The following ATP2C2 variants were observed in gnomAD, a reference collection of about 807,000 sequenced individuals.
ATP2C2 encodes ATPase secretory pathway Ca2+ transporting 2.
A neutral mutation model predicts 110.8 loss-of-function variants in ATP2C2; 171 were observed. The ratio of observed to expected loss-of-function variants is 1.54; its 90% CI spans 1.36 to 1.75. The LOEUF is 1.75. Among genes scored for constraint, ATP2C2 ranks in the 40% most tolerant of loss-of-function variants. The pLI is 0.00. For missense variants in ATP2C2, 1,963 were observed against 1,235.0 expected (o/e 1.59, Z -8.84); for synonymous variants, 804 against 508.4 (o/e 1.58, Z -7.82).
intron 7 of ATP2C2, among the ~76,000 whole-genome samples, chr16:84,420,516 T>C (rs1201277049): frequency 2.6e-5 from 4 of 151,592 alleles, no homozygotes; most frequent in Non-Finnish European, 5.9e-5. Flanking sequence ...AGAAATGTTT[T>C]AGATTTGTGG....
At position 84,451,893 on chromosome 16, in the gene ATP2C2, C is replaced by T. The variant is rs768367979; in HGVS notation, c.1661-28C>T. 15 of 1,594,426 alleles carry T rather than the reference C, an allele frequency of 9.4e-6. No individual in the cohort carries two copies. The South Asian group carries it at 1.5e-4, about 15-fold the overall frequency. ...ACGACGGCCCCTAAGCCCCCGGTGA[C>T]CCCTCCTTACTCCCCCTCTCTCCTC... is the stretch of plus-strand genomic sequence containing the variant. On this transcript the variant is annotated intron_variant, in intron 17 of 26. Coordinates refer to ENST00000262429, the MANE Select transcript of ATP2C2 (RefSeq NM_014861.4).
At chr16:84,458,414 G>A (rs868057900) in intron 21 of ATP2C2, among the ~76,000 whole-genome samples, 136 of 140,534 alleles carry the variant, frequency 9.7e-4, no homozygotes, top group African/African-American at 3.6e-3. Context: ...GTTAGTGGGT[G>A]CAGCGCACCA....
In ATP2C2 at chr16:84,454,971, T is replaced by C; in HGVS notation, c.2134T>C (p.Phe712Leu). The C allele has an allele frequency of 6.2e-7, 1 of 1,612,192 alleles. No homozygotes were observed. Among genetic ancestry groups the C allele is most frequent in the Non-Finnish European group, 8.5e-7 (1 of 1,179,120 alleles). The change falls in exon 21 of 27, where the codon TTC becomes CTC. Residue 712 changes from phenylalanine (F) to leucine (L), a missense_variant. Transcript: ENST00000262429. ...AANMILVDDD[F>L]SAIMNAVEEG... The stretch of plus-strand genomic sequence containing the variant: ...CAACATGATCCTGGTGGATGATGAC[T>C]TCTCAGCCATCATGTAAGCTGCCCT...
chr16:84,408,930 G>A (rs1007282277), intron 4 of ATP2C2, among the ~76,000 whole-genome samples: 6 of 151,896 alleles, frequency 4.0e-5, no homozygotes, highest in African/African-American at 1.2e-4. Flanking sequence ...CAGTGAAATT[G>A]AGTACATTCA....
At chr16:84,445,381 TG>T (rs1383726229) in intron 15 of ATP2C2, among the ~76,000 whole-genome samples, 1 of 152,064 alleles carries the variant, frequency 6.6e-6, no homozygotes, top group African/African-American at 2.4e-5. Flanking sequence ...GCTAACTTTT[TG>T]TATTTTTAGT....
At chr16:84,442,454 C>T in intron 14 of ATP2C2, 56 bp from the exon 15 acceptor site, 2 of 1,563,270 alleles carry the variant, frequency 1.3e-6, no homozygotes, top group Middle Eastern at 1.7e-4. Flanking sequence ...CCCACAATGT[C>T]TAACTTTTTC....
chr16:84,459,769 C>G (rs1053621079), intron 23 of ATP2C2: 2 of 584,510 alleles, frequency 3.4e-6, no homozygotes, highest in South Asian at 2.0e-5. Context: ...AAGATACACA[C>G]AGACACACTT....
chr16:84,374,055 A>T (rs1910116478), intron 1 of ATP2C2, among the ~76,000 whole-genome samples: 1 of 152,204 alleles, frequency 6.6e-6, no homozygotes, highest in African/African-American at 2.4e-5. Flanking sequence ...CTTGAAGATA[A>T]TGTTAGTGTT....
chr16:84,408,477 G>A lies in ATP2C2; in HGVS notation c.400G>A (p.Ala134Thr), dbSNP rs1296637392. 36 of 1,613,182 alleles carry A rather than the reference G, an allele frequency of 2.2e-5. No individual in the cohort carries two copies. Among genetic ancestry groups the A allele is most frequent in the East Asian group, 4.5e-5 (2 of 44,864 alleles). Reference sequence around the variant, plus strand: ...TGTCCTCACCAAGGAGTATGAGGACGCCGTCAGCATCGCCACGGTGAGTTC... The same window carrying A: ...TGTCCTCACCAAGGAGTATGAGGACACCGTCAGCATCGCCACGGTGAGTTC... ...VSVLTKEYED[A>T]VSIATAVLVV... Residue 134 changes from alanine (A) to threonine (T), a missense_variant, in exon 4 of 27, where the codon GCC (alanine) becomes ACC (threonine). Ala to Thr is a moderately conservative substitution (Grantham distance 58, BLOSUM62 0). Transcript: ENST00000262429.
intron 1 of ATP2C2, among the ~76,000 whole-genome samples, chr16:84,392,613 C>A (rs1188144683): frequency 6.6e-6 from 1 of 152,212 alleles, no homozygotes; most frequent in Non-Finnish European, 1.5e-5. Context: ...CAGGTGCCCG[C>A]CACCACGCCC....
intron 11 of ATP2C2, among the ~76,000 whole-genome samples, chr16:84,429,889 T>G (rs764086838): frequency 9.9e-5 from 15 of 152,120 alleles, no homozygotes; most frequent in Non-Finnish European, 1.8e-4. Context: ...GAGCATGCTG[T>G]TCTTGAAGAC....
intron 1 of ATP2C2, among the ~76,000 whole-genome samples, chr16:84,395,879 C>T (rs1904942933): frequency 6.6e-6 from 1 of 152,218 alleles, no homozygotes; most frequent in African/African-American, 2.4e-5. Flanking sequence ...GGGTATGGCT[C>T]TCTGGCATTA....
At chr16:84,414,497 A>C (rs74497210) in intron 6 of ATP2C2, among the ~76,000 whole-genome samples, 11,601 of 152,158 alleles carry the variant, frequency 0.076, 474 homozygotes, top group East Asian at 0.16. Flanking sequence ...CGTGTACAGT[A>C]AGGAAATCTT....
At chr16:84,400,088 G>T (rs113176151) in intron 2 of ATP2C2, among the ~76,000 whole-genome samples, 2,788 of 152,286 alleles carry the variant, frequency 0.018, 49 homozygotes, top group Non-Finnish European at 0.027. Context: ...TGTTGCAAAT[G>T]ACAGGATCTC....
In ATP2C2 at chr16:84,461,913, G is replaced by C. The variant is rs538387605; in HGVS notation, c.2581-75G>C. 90 of 1,607,084 alleles carry C rather than the reference G, an allele frequency of 5.6e-5. 1 individual carries two copies. The Admixed American group carries it at 9.2e-4, about 16-fold the overall frequency. Reference sequence around the variant, plus strand: ...GCATTGAGCGGCTCTGGCTCAGCGTGGGCAGTCAGAGCTCCCCTGCCTGTA... The same window carrying C: ...GCATTGAGCGGCTCTGGCTCAGCGTCGGCAGTCAGAGCTCCCCTGCCTGTA... On this transcript the variant is annotated intron_variant, in intron 25 of 26. Coordinates refer to ENST00000262429, the MANE Select transcript of ATP2C2 (RefSeq NM_014861.4).
intron 1 of ATP2C2, among the ~76,000 whole-genome samples, chr16:84,387,044 G>A (rs1225955297): frequency 6.6e-6 from 1 of 152,170 alleles, no homozygotes; most frequent in African/African-American, 2.4e-5. Flanking sequence ...GGGCAGTGGG[G>A]TTGGGGGTGC....
rs188703224 is a variant in ATP2C2 at position 84,445,983 on chromosome 16, G to A, written c.1402-346G>A. Among the ~76,000 whole-genome samples, 6 of 152,312 alleles carry A rather than the reference G, an allele frequency of 3.9e-5. No individual in the cohort carries two copies. In the Middle Eastern group the frequency reaches 0.01, roughly 259 times the overall value. Reference sequence around the variant, plus strand: ...CTGGCAAGGACCCCATGTTCTGGACGCAGGGCTGTCTCACTGACTCAGGGG... The same window carrying A: ...CTGGCAAGGACCCCATGTTCTGGACACAGGGCTGTCTCACTGACTCAGGGG... On this transcript the variant is annotated intron_variant, in intron 15 of 26. Coordinates refer to ENST00000262429, the MANE Select transcript of ATP2C2 (RefSeq NM_014861.4).
chr16:84,408,319 C>T, intron 3 of ATP2C2, 86 bp from the exon 4 acceptor site: 1 of 1,315,366 alleles, frequency 7.6e-7, no homozygotes, highest in Middle Eastern at 1.8e-4. Context: ...ACTGAGACCC[C>T]TGTCACACAA....
At position 84,405,127 on chromosome 16, in the gene ATP2C2, G is replaced by A. The variant is rs1905644000; in HGVS notation, c.211-1G>A. The stretch of plus-strand genomic sequence containing the variant: ...AGCTTGTGCCTGACCTCTCCTTCCA[G>A]GTGGACTTACACACTGGGCTGTCGG... On this transcript the variant is annotated splice_acceptor_variant, in intron 2 of 26. Transcript: ENST00000262429. LOFTEE classifies it high-confidence loss of function. 2 of 1,613,662 alleles carry A rather than the reference G, an allele frequency of 1.2e-6. No individual in the cohort carries two copies. The highest frequency in any genetic ancestry group is 2.2e-5 in the East Asian group (1 of 44,852).
Sources: allele counts gnomAD v4.1 joint callset (sites outside exome capture counted in the v4.1 genomes callset), GRCh38; gene constraint gnomAD v4.1.1; transcripts MANE v1.5; gene names NCBI Gene and HGNC (gene_info 2026-07-23, HGNC 2026-07-21).